SND1: variants seen among roughly 807,000 people sequenced by gnomAD.
The protein encoded by SND1 is staphylococcal nuclease and tudor domain containing 1.
Under a neutral mutation model 121.7 loss-of-function variants are expected in SND1, and 38 were observed. The ratio of observed to expected loss-of-function variants is 0.31; its 90% CI spans 0.24 to 0.41. The LOEUF is 0.41. Among genes scored for constraint, SND1 ranks in the 10% least tolerant of loss-of-function variants. The pLI is 1.00. For missense variants in SND1, 868 were observed against 1,184.6 expected (o/e 0.73, Z 3.92); for synonymous variants, 401 against 447.4 (o/e 0.90, Z 1.31).
chr7:128,084,470 A>G (rs1317648828), intron 18 of SND1, among the ~76,000 whole-genome samples: 1 of 152,210 alleles, frequency 6.6e-6, no homozygotes, highest in East Asian at 1.9e-4. Flanking sequence ...GAGAGCTGAG[A>G]TGGCAAGGCT....
intron 2 of SND1, among the ~76,000 whole-genome samples, chr7:127,688,453 A>G (rs1174181783): frequency 6.6e-6 from 1 of 151,622 alleles, no homozygotes; most frequent in African/African-American, 2.4e-5. Flanking sequence ...CATACCTGTA[A>G]TCCAAGCACT....
intron 1 of SND1, among the ~76,000 whole-genome samples, chr7:127,668,086 C>G (rs1311971428): frequency 1.3e-5 from 2 of 152,142 alleles, no homozygotes; most frequent in Admixed American, 1.3e-4. Context: ...GTGCAGAAAT[C>G]TTCTGAAGGA....
At chr7:128,018,888 G>A (rs1414285556) in intron 16 of SND1, among the ~76,000 whole-genome samples, 1 of 152,170 alleles carries the variant, frequency 6.6e-6, no homozygotes. Flanking sequence ...CTCAATAACA[G>A]CTATGATCCT....
At chr7:127,682,034 T>C (rs1795735726) in intron 1 of SND1, among the ~76,000 whole-genome samples, 2 of 152,236 alleles carry the variant, frequency 1.3e-5, no homozygotes, top group African/African-American at 2.4e-5. Context: ...TTCATTGACA[T>C]ACAAATTTCT....
intron 10 of SND1, among the ~76,000 whole-genome samples, chr7:127,754,966 G>C (rs1262038820): frequency 6.6e-6 from 1 of 152,116 alleles, no homozygotes; most frequent in Non-Finnish European, 1.5e-5. Context: ...ATTTCTTTTA[G>C]ACCTAAATAA....
chr7:127,932,169 T>C (rs150337635), intron 15 of SND1, among the ~76,000 whole-genome samples: 21 of 152,346 alleles, frequency 1.4e-4, no homozygotes, highest in Non-Finnish European at 2.6e-4. Flanking sequence ...TTCACCACTT[T>C]AAATGCCATT....
At chr7:127,983,429 A>G (rs1802313131) in intron 15 of SND1, among the ~76,000 whole-genome samples, 1 of 152,146 alleles carries the variant, frequency 6.6e-6, no homozygotes, top group Non-Finnish European at 1.5e-5. Context: ...CTTTTACAGC[A>G]TTCCTGCCTG....
chr7:128,006,243 CGT>C (rs904325963), intron 16 of SND1, among the ~76,000 whole-genome samples: 1 of 151,568 alleles, frequency 6.6e-6, no homozygotes, highest in Admixed American at 6.6e-5. Context: ...TGCGTGCGTG[CGT>C]GTGTGTGTGT....
chr7:127,990,164 AAAT>A (rs1251087776), intron 15 of SND1, among the ~76,000 whole-genome samples: 1 of 152,212 alleles, frequency 6.6e-6, no homozygotes, highest in East Asian at 1.9e-4. Flanking sequence ...GCATCGTTCT[AAAT>A]AATCTCTCCT....
chr7:127,866,930 C>T (rs1799489281), intron 12 of SND1, among the ~76,000 whole-genome samples: 1 of 152,186 alleles, frequency 6.6e-6, no homozygotes, highest in African/African-American at 2.4e-5. Flanking sequence ...TCACCTTCTT[C>T]TTTCCAAACT....
At chr7:127,893,766 A>G (rs2116742627) in intron 13 of SND1, among the ~76,000 whole-genome samples, 1 of 152,190 alleles carries the variant, frequency 6.6e-6, no homozygotes, top group East Asian at 1.9e-4. Context: ...TGGTGGTGTC[A>G]TCCATCTTTG....
At chr7:127,996,734 C>A (rs1289436688) in intron 16 of SND1, among the ~76,000 whole-genome samples, 1 of 152,168 alleles carries the variant, frequency 6.6e-6, no homozygotes, top group Non-Finnish European at 1.5e-5. Context: ...GGCAATGTTT[C>A]ATTTATTTTC....
chr7:128,073,774 C>T (rs897335381), intron 16 of SND1, among the ~76,000 whole-genome samples: 4 of 152,194 alleles, frequency 2.6e-5, no homozygotes, highest in East Asian at 1.9e-4. Flanking sequence ...ACGAGGGCCA[C>T]GATCCTGAGG....
chr7:127,703,330 G>A lies in SND1; in HGVS notation c.840+7G>A. ...GGGTACCATCCTTCATCCAGTGAGT[G>A]TGTCTGTGCAGACTGGGTGGTGATG... On this transcript the variant is annotated splice_region_variant and intron_variant, in intron 7 of 23. Coordinates refer to ENST00000354725, the MANE Select transcript of SND1 (RefSeq NM_014390.4). 3 of 1,614,032 alleles carry A rather than the reference G, an allele frequency of 1.9e-6. No individual in the cohort carries two copies. The South Asian group carries it at 3.3e-5, about 18-fold the overall frequency.
intron 1 of SND1, among the ~76,000 whole-genome samples, chr7:127,670,682 A>AT (rs1795500679): frequency 6.6e-6 from 1 of 151,738 alleles, no homozygotes; most frequent in South Asian, 2.1e-4. Context: ...ATTTATTTTT[A>AT]TTTTTAATTT....
chr7:127,803,453 T>C lies in SND1; in HGVS notation c.1153-4031T>C, dbSNP rs115653788. The stretch of plus-strand genomic sequence containing the variant: ...CACATTTCAACCTTTTTTAAATATA[T>C]AATTTGTTACTATTAAAAAATTTTT... On this transcript the variant is annotated intron_variant, in intron 10 of 23. Coordinates refer to ENST00000354725, the MANE Select transcript of SND1 (RefSeq NM_014390.4). Among the ~76,000 whole-genome samples the C allele has an allele frequency of 5.9e-3, 892 of 152,338 alleles. 16 individuals are homozygous for C. The highest frequency in any genetic ancestry group is 0.02 in the African/African-American group (847 of 41,572).
At chr7:128,062,074 G>A (rs1174086400) in intron 16 of SND1, among the ~76,000 whole-genome samples, 1 of 152,248 alleles carries the variant, frequency 6.6e-6, no homozygotes. Context: ...TGTGCCTAAA[G>A]GCAGCTCCTT....
chr7:127,677,814 T>C (rs541422265), intron 1 of SND1, among the ~76,000 whole-genome samples: 1 of 152,384 alleles, frequency 6.6e-6, no homozygotes, highest in South Asian at 2.1e-4. Flanking sequence ...TTTTAGCTCA[T>C]GGTCTGTACA....
chr7:127,738,287 T>C (rs1587630968), intron 10 of SND1, among the ~76,000 whole-genome samples: 1 of 90,150 alleles, frequency 1.1e-5, no homozygotes, highest in Non-Finnish European at 2.9e-5. Context: ...TTTTTTTTTC[T>C]TTTTTTTTTT....
Sources: allele counts gnomAD v4.1 joint callset (sites outside exome capture counted in the v4.1 genomes callset), GRCh38; gene constraint gnomAD v4.1.1; transcripts MANE v1.5; gene names NCBI Gene and HGNC (gene_info 2026-07-23, HGNC 2026-07-21).